The following CD34 variants were observed in gnomAD, a reference collection of about 807,000 sequenced individuals.
CD34 encodes the protein CD34 molecule.
CD34 carries 34 observed loss-of-function variants against 40.1 expected under a neutral mutation model. The ratio of observed to expected loss-of-function variants is 0.85; its 90% CI spans 0.65 to 1.13. The LOEUF (loss-of-function observed/expected upper bound fraction) is 1.13. Among genes scored for constraint, CD34 ranks in the 50% most tolerant of loss-of-function variants. The probability of loss-of-function intolerance (pLI) is 0.00; values close to 1 mark genes in which losing one functional copy is unlikely to be tolerated. For synonymous variants in CD34, 209 were observed against 190.0 expected, an observed-to-expected ratio of 1.10 and a Z score of -0.82; for missense variants, 426 against 466.9, an observed-to-expected ratio of 0.91 and a Z score of 0.81.
chr1:207,892,559 C>A (rs1220984844), intron 4 of CD34, among the ~76,000 whole-genome samples: 2 of 151,438 alleles, frequency 1.3e-5, no homozygotes, highest in African/African-American at 4.9e-5. Context: ...GCACTCCGGC[C>A]TGGGCAACAG....
chr1:207,894,194 A>G (rs2102298701), intron 4 of CD34, among the ~76,000 whole-genome samples: 1 of 152,380 alleles, frequency 6.6e-6, no homozygotes, highest in Non-Finnish European at 1.5e-5. Context: ...CAAGGTTTAC[A>G]CTTACAATGG....
Position 207,887,760 on chromosome 1 carries a change from A to T in CD34, c.1136T>A (p.Val379Glu). The change falls in exon 8 of 8, where the codon GTG (valine) becomes GAG (glutamate). Residue 379 changes from valine (V) to glutamate (E), a missense_variant. Transcript: ENST00000310833. Reference sequence around the variant, plus strand: ...GAGTCACAATTCGGTATCAGCCACCACGTGTTGTCTTGCTGAATGGCCGTT... The same window carrying T: ...GAGTCACAATTCGGTATCAGCCACCTCGTGTTGTCTTGCTGAATGGCCGTT... ...SRNGHSARQH[V>E]VADTEL 6.2e-7 allele frequency: 1 copy of T among 1,614,008 alleles called. No homozygotes were observed. The highest frequency in any genetic ancestry group is 8.5e-7 in the Non-Finnish European group (1 of 1,179,966).
chr1:207,892,405 T>G (rs994037768), intron 4 of CD34, among the ~76,000 whole-genome samples: 1 of 152,068 alleles, frequency 6.6e-6, no homozygotes, highest in Non-Finnish European at 1.5e-5. Flanking sequence ...TGGTGAAACT[T>G]TGTCTCTTCT....
In CD34 at chr1:207,884,780, C is replaced by G. The variant is rs1174347217; in HGVS notation, c.*2958G>C. On this transcript the variant is annotated 3_prime_UTR_variant, in exon 8 of 8. Transcript: ENST00000310833. ...GGGCTCACTGTGGGCGCCGAAGAAGCCGAACCTCATGGCCTCCTGTGATCT... is the reference window on the plus strand; with the variant it reads ...GGGCTCACTGTGGGCGCCGAAGAAGGCGAACCTCATGGCCTCCTGTGATCT... 4 of 152,198 alleles carry G rather than the reference C, an allele frequency of 2.6e-5. 1 individual carries two copies. The highest frequency in any genetic ancestry group is 9.7e-5 in the African/African-American group (4 of 41,426). 9.4% of individuals were successfully genotyped at this position (152,198 alleles called of 1,614,324 possible).
At chr1:207,894,340 C>A (rs967503098) in intron 4 of CD34, among the ~76,000 whole-genome samples, 1 of 152,070 alleles carries the variant, frequency 6.6e-6, no homozygotes, top group African/African-American at 2.4e-5. Context: ...ATATGAGGTA[C>A]CTAGAGTAGG....
intron 1 of CD34, among the ~76,000 whole-genome samples, chr1:207,901,208 C>G (rs1272845982): frequency 6.6e-6 from 1 of 152,164 alleles, no homozygotes; most frequent in Admixed American, 6.5e-5. Flanking sequence ...AGCTTCTTGA[C>G]TGAACCCTAT....
chr1:207,888,977 G>A (rs1661970235), intron 6 of CD34, 131 bp from the exon 7 acceptor site: 3 of 1,008,022 alleles, frequency 3.0e-6, no homozygotes, highest in Non-Finnish European at 4.5e-6. Context: ...TTTTTGAAAT[G>A]GGATTTGAGA....
chr1:207,907,083 C>T (rs1367743278), intron 1 of CD34, among the ~76,000 whole-genome samples: 1 of 152,022 alleles, frequency 6.6e-6, no homozygotes, highest in East Asian at 1.9e-4. Context: ...AGTTACTTTA[C>T]CCTCCCCAGA....
At position 207,889,501 on chromosome 1, in the gene CD34, G is replaced by A. The variant is rs772992858; in HGVS notation, c.718C>T (p.Pro240Ser). The A allele has an allele frequency of 5.6e-6, 9 of 1,613,906 alleles. No homozygotes were observed. In the South Asian group the frequency reaches 8.8e-5, roughly 16 times the overall value. The change falls in exon 5 of 8, where the codon CCT becomes TCT. Residue 240 changes from proline to serine, a missense_variant. Physicochemically the swap from Pro to Ser is moderately conservative, Grantham distance 74. Transcript: ENST00000310833. ...SLLLAQSEVR[P>S]QCLLLVLANR... The stretch of plus-strand genomic sequence containing the variant: ...GCCAAGACCAGCAGTAGACACTGAG[G>A]CCTCACCTCAGACTGGGCAAGGAGC...
chr1:207,884,178 T>C lies in CD34; in HGVS notation c.*3560A>G, dbSNP rs1376177658. ...CCTGTGTGGGATAATCTCTCCCAGC[T>C]TGGCATACAACCTGCTTCTCCACTT... On this transcript the variant is annotated 3_prime_UTR_variant, in exon 8 of 8. Transcript: ENST00000310833. 1 of 152,246 alleles carries C rather than the reference T, an allele frequency of 6.6e-6. No homozygotes were observed. The highest frequency in any genetic ancestry group is 6.5e-5 in the Admixed American group (1 of 15,286). The allele number at this position is 152,246 out of a possible 1,614,324, so 9.4% of individuals were successfully genotyped here.
chr1:207,884,386 T>A lies in CD34; in HGVS notation c.*3352A>T, dbSNP rs1661860829. 6.6e-6 allele frequency: 1 copy of A among 152,252 alleles called. No individual in the cohort carries two copies. Among genetic ancestry groups the A allele is most frequent in the Non-Finnish European group, 1.5e-5 (1 of 68,046 alleles). The allele number at this position is 152,252 out of a possible 1,614,324, so 9.4% of individuals were successfully genotyped here. The stretch of plus-strand genomic sequence containing the variant: ...TCTTCTGCTAGAATTATAAGCTTCA[T>A]GAGTGTTTGCTGTATCCCCAGTCTC... On this transcript the variant is annotated 3_prime_UTR_variant, in exon 8 of 8. Coordinates refer to ENST00000310833, the MANE Select transcript of CD34 (RefSeq NM_001025109.2).
chr1:207,908,141 G>A (rs1265443570), intron 1 of CD34, among the ~76,000 whole-genome samples: 1 of 152,242 alleles, frequency 6.6e-6, no homozygotes, highest in Admixed American at 6.5e-5. Flanking sequence ...CTGCAGCTGA[G>A]TTTATCTGCT....
chr1:207,881,103 A>G lies in CD34; in HGVS notation c.*6635T>C, dbSNP rs1661797055. ...GTCTCTCATTTGCACTAGCCACATT[A>G]CAAGTGCTCAGCAGCCACATGTACT... is the stretch of plus-strand genomic sequence containing the variant. On this transcript the variant is annotated 3_prime_UTR_variant, in exon 8 of 8. Transcript: ENST00000310833. 6.6e-6 allele frequency: 1 copy of G among 152,226 alleles called. No homozygotes were observed. Among genetic ancestry groups the G allele is most frequent in the African/African-American group, 2.4e-5 (1 of 41,458 alleles). 9.4% of individuals were successfully genotyped at this position (152,226 alleles called of 1,614,324 possible).
Position 207,887,488 on chromosome 1 carries a change from T to C in CD34, c.*250A>G. On this transcript the variant is annotated 3_prime_UTR_variant, in exon 8 of 8. Transcript: ENST00000310833. ...TTGTTCCTGGGAGCTTCTCCAGACCTTGGCTTTCCCCCGTCACACGTTTAC... is the reference window on the plus strand; with the variant it reads ...TTGTTCCTGGGAGCTTCTCCAGACCCTGGCTTTCCCCCGTCACACGTTTAC... The C allele has an allele frequency of 1.9e-6, 1 of 516,078 alleles. No individual in the cohort carries two copies. 32.0% of individuals were successfully genotyped at this position (516,078 alleles called of 1,614,324 possible).
intron 4 of CD34, chr1:207,889,959 A>T: frequency 6.8e-7 from 1 of 1,466,264 alleles, no homozygotes; most frequent in African/African-American, 1.4e-5. Context: ...AAATATTAAT[A>T]ATGCAATAAT....
chr1:207,890,228 A>G, intron 4 of CD34: 1 of 999,000 alleles, frequency 1.0e-6, no homozygotes. Context: ...ATTTTTCTTC[A>G]GGTTGCTGAC....
chr1:207,889,422 G>A (rs1291082345), intron 5 of CD34, 43 bp downstream of exon 5: 1 of 1,582,144 alleles, frequency 6.3e-7, no homozygotes, highest in Non-Finnish European at 8.6e-7. Context: ...TCTAACCTCA[G>A]CCCTACTCCT....
chr1:207,888,636 A>T, intron 7 of CD34, 46 bp downstream of exon 7: 3 of 1,596,594 alleles, frequency 1.9e-6, no homozygotes, highest in South Asian at 2.2e-5. Context: ...CTCCCCAGAA[A>T]CCCACTATCT....
chr1:207,881,981 G>A lies in CD34; in HGVS notation c.*5757C>T, dbSNP rs928083153. ...TAAGAGGGCTTTGAGAATAGCTGGT[G>A]TAGAACCTGCCTAACTCTCCAGTCT... On this transcript the variant is annotated 3_prime_UTR_variant, in exon 8 of 8. Transcript: ENST00000310833. The A allele has an allele frequency of 1.3e-5, 2 of 152,156 alleles. No individual in the cohort carries two copies. Among genetic ancestry groups the A allele is most frequent in the African/African-American group, 4.8e-5 (2 of 41,438 alleles). The allele number at this position is 152,156 out of a possible 1,614,324, so 9.4% of individuals were successfully genotyped here.
Sources: gnomAD v4.1 joint callset for allele counts (sites outside exome capture counted in the v4.1 genomes callset) on GRCh38, gnomAD v4.1.1 for gene constraint, MANE v1.5 for transcripts, NCBI Gene and HGNC (gene_info 2026-07-23, HGNC 2026-07-21) for gene names.